Variants in MCFD2 observed in about 807,000 individuals in gnomAD.
The protein encoded by MCFD2 is multiple coagulation factor deficiency protein 2.
Under a neutral mutation model 12.8 loss-of-function variants are expected in MCFD2, and 11 were observed. That is an observed-to-expected ratio of 0.86 (90% CI 0.54 to 1.42). The LOEUF (loss-of-function observed/expected upper bound fraction) is 1.42. MCFD2 is among the 40% of genes most tolerant of loss of function. The pLI is 0.00. For missense variants in MCFD2, 191 were observed against 178.6 expected, an observed-to-expected ratio of 1.07 and a Z score of -0.40; for synonymous variants, 70 against 68.1, an observed-to-expected ratio of 1.03 and a Z score of -0.14.
chr2:46,941,503 C>G lies in MCFD2; in HGVS notation c.-8+69G>C. On this transcript the variant is annotated intron_variant, in intron 1 of 2. Transcript: ENST00000409147. The surrounding 1 kb of genome is among the most constrained non-coding windows in gnomAD (Gnocchi z 4.2). Reference sequence around the variant, plus strand: ...GACGCCGCCCCCGGCCGGGTCTCCACTTCTTGGCCGCACCTTCCATGACAG... The same window carrying G: ...GACGCCGCCCCCGGCCGGGTCTCCAGTTCTTGGCCGCACCTTCCATGACAG... 6.5e-7 allele frequency: 1 copy of G among 1,545,646 alleles called. No homozygotes were observed. Among genetic ancestry groups the G allele is most frequent in the Non-Finnish European group, 8.7e-7 (1 of 1,145,106 alleles).
rs375042389 is a variant in MCFD2 at position 46,935,271 on chromosome 2, A to G, written c.-8+6301T>C. Among the ~76,000 whole-genome samples, 26 of 152,068 alleles carry G rather than the reference A, an allele frequency of 1.7e-4. No individual in the cohort carries two copies. The Middle Eastern group carries it at 0.01, about 60-fold the overall frequency. On this transcript the variant is annotated intron_variant, in intron 1 of 2. Coordinates refer to the MCFD2 transcript ENST00000409147. ...AGCCATGACAACTGTTCCTCCCCACACTCTTTCATCCTGAGCCCAGGAGTT... is the reference window on the plus strand; with the variant it reads ...AGCCATGACAACTGTTCCTCCCCACGCTCTTTCATCCTGAGCCCAGGAGTT...
chr2:46,931,840 A>C (rs977704209), intron 1 of MCFD2, among the ~76,000 whole-genome samples: 19 of 152,306 alleles, frequency 1.2e-4, no homozygotes, highest in African/African-American at 4.6e-4. Flanking sequence ...CAGGAATTTT[A>C]AGATAATGAA....
intron 1 of MCFD2, among the ~76,000 whole-genome samples, chr2:46,911,207 A>G (rs1668472467): frequency 6.6e-6 from 1 of 152,114 alleles, no homozygotes; most frequent in Non-Finnish European, 1.5e-5. Flanking sequence ...GGCTCACTGC[A>G]ACCTCCGCTT....
At position 46,941,536 on chromosome 2, in the gene MCFD2, G is replaced by C. The variant is rs772781041; in HGVS notation, c.-8+36C>G. The C allele has an allele frequency of 6.4e-7, 1 of 1,552,382 alleles. No individual in the cohort carries two copies. Among genetic ancestry groups the C allele is most frequent in the Non-Finnish European group, 8.7e-7 (1 of 1,148,264 alleles). On this transcript the variant is annotated intron_variant, in intron 1 of 2. Transcript: ENST00000409147. This position sits in a 1 kb window ranked among gnomAD's most constrained non-coding sequence, Gnocchi z 4.2. ...CCGCACCTTCCATGACAGCGCCCGC[G>C]AGAAGATGGCTGCGAAGGGCGCGCA...
chr2:46,922,348 A>G (rs557507246), intron 1 of MCFD2, among the ~76,000 whole-genome samples: 33 of 152,210 alleles, frequency 2.2e-4, no homozygotes, highest in East Asian at 1.7e-3. Context: ...GGCTTTGTCT[A>G]TGGGAGTCCT....
Position 46,904,715 on chromosome 2 carries a change from A to AT in MCFD2, c.*747dup. 6.5e-6 allele frequency: 1 copy of AT among 152,748 alleles called. No individual in the cohort carries two copies. Among genetic ancestry groups the AT allele is most frequent in the East Asian group, 1.9e-4 (1 of 5,198 alleles). 9.5% of individuals were successfully genotyped at this position (152,748 alleles called of 1,614,324 possible). A position where few individuals can be genotyped will look rare whatever the true frequency, so the allele number is the denominator to read the frequency against. ...AGCTTGCTTTTGATTTTACAGGCTC[A>AT]TAGGTGGAAGGGACTTGCCTTGTCT... On this transcript the variant is annotated 3_prime_UTR_variant, in exon 4 of 4. Transcript: ENST00000319466.
intron 1 of MCFD2, among the ~76,000 whole-genome samples, chr2:46,921,804 C>G (rs1669117483): frequency 6.6e-6 from 1 of 152,106 alleles, no homozygotes; most frequent in African/African-American, 2.4e-5. Flanking sequence ...CAACCTAGAT[C>G]CCTTACATGC....
At chr2:46,911,347 C>G (rs1294283852) in intron 1 of MCFD2, among the ~76,000 whole-genome samples, 1 of 151,352 alleles carries the variant, frequency 6.6e-6, no homozygotes, top group East Asian at 2.0e-4. Context: ...AGGCTGATCT[C>G]GAACTCCAGA....
intron 3 of MCFD2, 120 bp from the exon 4 acceptor site, chr2:46,905,714 A>AAAG: frequency 1.9e-6 from 2 of 1,064,348 alleles, no homozygotes; most frequent in Non-Finnish European, 1.4e-6. Flanking sequence ...AAAAAAAAAA[A>AAAG]AGGAAAAACA....
intron 1 of MCFD2, among the ~76,000 whole-genome samples, chr2:46,924,635 T>C (rs1176069009): frequency 6.6e-6 from 1 of 152,164 alleles, no homozygotes; most frequent in African/African-American, 2.4e-5. Context: ...TCTTTTTTTT[T>C]TTTCCCCTGG....
chr2:46,908,476 CT>C lies in MCFD2; in HGVS notation c.150-508del. 3.8e-6 allele frequency: 1 copy of C among 263,462 alleles called. No homozygotes were observed. Among genetic ancestry groups the C allele is most frequent in the Non-Finnish European group, 7.4e-6 (1 of 135,726 alleles). 16.3% of individuals were successfully genotyped at this position (263,462 alleles called of 1,614,324 possible). ...ACAGGTTTTCCCTATATTGCCTAGGCTGGTCTCGAATTCCTGGGCTCAAGTA... is the reference window on the plus strand; with the variant it reads ...ACAGGTTTTCCCTATATTGCCTAGGCGGTCTCGAATTCCTGGGCTCAAGTA... On this transcript the variant is annotated intron_variant, in intron 2 of 3. Coordinates refer to ENST00000319466, the MANE Select transcript of MCFD2 (RefSeq NM_139279.6). This position sits in a 1 kb window ranked among gnomAD's most constrained non-coding sequence, Gnocchi z 4.5.
intron 1 of MCFD2, among the ~76,000 whole-genome samples, chr2:46,928,459 T>TA (rs35897582): frequency 0.08 from 6,555 of 81,926 alleles, 307 homozygotes; most frequent in African/African-American, 0.11. Flanking sequence ...AAAGGGAAAT[T>TA]AAAAAAAAAA....
At chr2:46,906,412 G>C (rs906635296) in intron 3 of MCFD2, among the ~76,000 whole-genome samples, 2 of 150,548 alleles carry the variant, frequency 1.3e-5, no homozygotes, top group African/African-American at 4.9e-5. Context: ...ACTTTGCCTT[G>C]CTTCCTCTCT....
Position 46,941,435 on chromosome 2 carries a change from T to C in MCFD2, c.-8+137A>G, listed in dbSNP as rs1246047899. The C allele has an allele frequency of 4.1e-6, 5 of 1,232,834 alleles. No homozygotes were observed. The highest frequency in any genetic ancestry group is 2.5e-5 in the South Asian group (1 of 39,974). 76.4% of individuals were successfully genotyped at this position (1,232,834 alleles called of 1,614,324 possible). A position where few individuals can be genotyped will look rare whatever the true frequency, so the allele number is the denominator to read the frequency against. On this transcript the variant is annotated intron_variant, in intron 1 of 2. Transcript: ENST00000409147. The surrounding 1 kb of genome is among the most constrained non-coding windows in gnomAD (Gnocchi z 4.2). ...GCTGCCGCCCGGGCCCCGGCTGCCG[T>C]CTGCGCCCCCGTCGACCCCGCCCGC...
intron 1 of MCFD2, among the ~76,000 whole-genome samples, chr2:46,936,238 TAAC>T (rs1669970904): frequency 6.6e-6 from 1 of 152,254 alleles, no homozygotes; most frequent in African/African-American, 2.4e-5. Context: ...GCCTTATTAC[TAAC>T]AACGCTACTA....
chr2:46,930,078 C>G (rs1016737065), intron 1 of MCFD2, among the ~76,000 whole-genome samples: 2 of 152,122 alleles, frequency 1.3e-5, no homozygotes, highest in African/African-American at 4.8e-5. Flanking sequence ...GAGTTTTTTA[C>G]TATGTATCAT....
chr2:46,934,787 C>CTTTTTTTTTTTTTTTTTTTTTT, intron 1 of MCFD2, among the ~76,000 whole-genome samples: 1 of 66,888 alleles, frequency 1.5e-5, no homozygotes, highest in Non-Finnish European at 2.7e-5. Context: ...GACTACTGCT[C>CTTTTTTTTTTTTTTTTTTTTTT]TTTTTTTTTT....
In MCFD2 at chr2:46,908,885, A is replaced by T; in HGVS notation, c.149+138T>A. On this transcript the variant is annotated intron_variant, in intron 2 of 3. Transcript: ENST00000319466. This position sits in a 1 kb window ranked among gnomAD's most constrained non-coding sequence, Gnocchi z 4.5. The stretch of plus-strand genomic sequence containing the variant: ...ACCTGACTTATAGGTGGCAATAAGG[A>T]ATAAGAATCATCCTTGAAGAATGTC... The T allele has an allele frequency of 8.7e-7, 1 of 1,153,806 alleles. No individual in the cohort carries two copies. Among genetic ancestry groups the T allele is most frequent in the Admixed American group, 1.8e-5 (1 of 56,284 alleles). The allele number at this position is 1,153,806 out of a possible 1,614,324, so 71.5% of individuals were successfully genotyped here.
Position 46,915,707 on chromosome 2 carries a change from G to A in MCFD2, c.-7+16C>T. On this transcript the variant is annotated intron_variant, in intron 1 of 3. Coordinates refer to ENST00000319466, the MANE Select transcript of MCFD2 (RefSeq NM_139279.6). ...CGGGATCCCGCCCGCTGCGGAGAGT[G>A]CGCTAGTTCACTCACCCTTACGGTC... 1.1e-6 allele frequency: 1 copy of A among 943,934 alleles called. No individual in the cohort carries two copies. Among genetic ancestry groups the A allele is most frequent in the Non-Finnish European group, 1.3e-6 (1 of 792,276 alleles). 58.5% of individuals were successfully genotyped at this position (943,934 alleles called of 1,614,324 possible).
Sources: gnomAD v4.1 joint callset for allele counts (sites outside exome capture counted in the v4.1 genomes callset) on GRCh38, gnomAD v4.1.1 for gene constraint, Gnocchi (gnomAD v3.1) non-coding constraint, MANE v1.5 for transcripts, NCBI Gene and HGNC (gene_info 2026-07-23, HGNC 2026-07-21) for gene names.